Variants in ATRN observed in about 807,000 individuals in gnomAD.
ATRN encodes the protein attractin-2.
A neutral mutation model predicts 178.7 loss-of-function variants in ATRN; 54 were observed. The ratio of observed to expected loss-of-function variants is 0.30; its 90% CI spans 0.24 to 0.38. The LOEUF (loss-of-function observed/expected upper bound fraction) is 0.38, where lower values mean the gene tolerates loss of function less well. ATRN is among the 10% of genes least tolerant of loss of function. The probability of loss-of-function intolerance (pLI) is 1.00; values close to 1 mark genes in which losing one functional copy is unlikely to be tolerated. For synonymous variants in ATRN, 636 were observed against 663.0 expected, an observed-to-expected ratio of 0.96 and a Z score of 0.63; for missense variants, 1,443 against 1,815.1, an observed-to-expected ratio of 0.79 and a Z score of 3.73.
intron 28 of ATRN, among the ~76,000 whole-genome samples, chr20:3,646,423 T>G (rs375778735): frequency 6.6e-6 from 1 of 152,152 alleles, no homozygotes; most frequent in African/African-American, 2.4e-5. Context: ...ACTGCACCTT[T>G]TGTGTAAAAA....
chr20:3,495,324 C>A (rs1301931828), intron 1 of ATRN, among the ~76,000 whole-genome samples: 3 of 152,076 alleles, frequency 2.0e-5, no homozygotes, highest in African/African-American at 4.8e-5. Context: ...GTATTAGAAT[C>A]ATTTGTGGAG....
At chr20:3,501,302 A>T (rs987206382) in intron 1 of ATRN, among the ~76,000 whole-genome samples, 2 of 152,260 alleles carry the variant, frequency 1.3e-5, no homozygotes, top group South Asian at 4.1e-4. Flanking sequence ...TTTTTTCTTT[A>T]TTGAAAATGT....
chr20:3,642,340 CT>C (rs1432262256), intron 27 of ATRN, among the ~76,000 whole-genome samples: 2 of 152,216 alleles, frequency 1.3e-5, no homozygotes, highest in Non-Finnish European at 2.9e-5. Context: ...CCAAACTGAG[CT>C]TTGGATGTTT....
At chr20:3,592,550 A>G (rs1372589274) in intron 19 of ATRN, 2 of 887,044 alleles carry the variant, frequency 2.3e-6, no homozygotes, top group Non-Finnish European at 2.7e-6. Context: ...TTTCCAGCCA[A>G]AAAACATAAT....
At chr20:3,581,054 C>T (rs923150569) in intron 15 of ATRN, among the ~76,000 whole-genome samples, 2 of 152,046 alleles carry the variant, frequency 1.3e-5, no homozygotes, top group African/African-American at 2.4e-5. Context: ...CTAGCCTGGG[C>T]AACACAGGGA....
chr20:3,523,673 C>T (rs2085326373), intron 1 of ATRN, among the ~76,000 whole-genome samples: 3 of 152,136 alleles, frequency 2.0e-5, no homozygotes, highest in African/African-American at 7.2e-5. Flanking sequence ...GAGAGAAAGA[C>T]TGAGTTACCC....
At position 3,547,389 on chromosome 20, in the gene ATRN, A is replaced by C. The variant is rs762754702; in HGVS notation, c.843A>C (p.Ala281=). 4 of 1,614,002 alleles carry C rather than the reference A, an allele frequency of 2.5e-6. No homozygotes were observed. The East Asian group carries it at 8.9e-5, about 36-fold the overall frequency. ...GTTCTGAAAACTGGAAAGGTGAAGCATGTGACATTCCTCACTGTACAGACA... is the reference window on the plus strand; with the variant it reads ...GTTCTGAAAACTGGAAAGGTGAAGCCTGTGACATTCCTCACTGTACAGACA... The part of the protein sequence containing the change: ...CECSENWKGE[A]CDIPHCTDNC... Residue 281 remains alanine, a synonymous_variant, in exon 5 of 29, where the codon GCA becomes GCC. Coordinates refer to ENST00000262919, the MANE Select transcript of ATRN (RefSeq NM_139321.3).
intron 25 of ATRN, among the ~76,000 whole-genome samples, chr20:3,625,864 A>C (rs1351156223): frequency 6.6e-6 from 1 of 152,164 alleles, no homozygotes; most frequent in African/African-American, 2.4e-5. Context: ...GATTTATGAG[A>C]AAAGATGCCT....
chr20:3,601,566 G>T (rs1468670582), intron 23 of ATRN, among the ~76,000 whole-genome samples: 4 of 152,004 alleles, frequency 2.6e-5, no homozygotes, highest in African/African-American at 7.2e-5. Context: ...AAAATCTAAA[G>T]AAATAAAGGA....
rs1051584867 is a variant in ATRN at position 3,638,195 on chromosome 20, C to T, written c.3943-633C>T. ...ATTTGTTACATAGGTATACATGTGCCGTGGTGGTTTGCCGCACCTATCAGC... is the reference window on the plus strand; with the variant it reads ...ATTTGTTACATAGGTATACATGTGCTGTGGTGGTTTGCCGCACCTATCAGC... On this transcript the variant is annotated intron_variant, in intron 26 of 28. Coordinates refer to ENST00000262919, the MANE Select transcript of ATRN (RefSeq NM_139321.3). This position sits in a 1 kb window ranked among gnomAD's most constrained non-coding sequence, Gnocchi z 4.5. Among the ~76,000 whole-genome samples the T allele has an allele frequency of 3.3e-5, 5 of 152,036 alleles. No individual in the cohort carries two copies. The highest frequency in any genetic ancestry group is 7.3e-5 in the African/African-American group (3 of 41,364).
chr20:3,551,667 C>T (rs1366064822), intron 6 of ATRN, among the ~76,000 whole-genome samples: 1 of 152,120 alleles, frequency 6.6e-6, no homozygotes, highest in African/African-American at 2.4e-5. Flanking sequence ...CTCTCCTGTT[C>T]TCCTTCTTAA....
At chr20:3,598,609 G>A (rs1331957476) in intron 22 of ATRN, among the ~76,000 whole-genome samples, 1 of 152,140 alleles carries the variant, frequency 6.6e-6, no homozygotes, top group East Asian at 1.9e-4. Flanking sequence ...TGTCATTAAC[G>A]ATGAAGCCCA....
At chr20:3,478,950 A>G (rs1326661201) in intron 1 of ATRN, among the ~76,000 whole-genome samples, 3 of 146,016 alleles carry the variant, frequency 2.1e-5, no homozygotes, top group Non-Finnish European at 4.5e-5. Flanking sequence ...TTGAGAGACA[A>G]GGTCTTATTC....
chr20:3,616,151 T>C (rs1173934247), intron 24 of ATRN, among the ~76,000 whole-genome samples: 1 of 152,150 alleles, frequency 6.6e-6, no homozygotes, highest in Admixed American at 6.5e-5. Context: ...TATTGTTCCC[T>C]TGGGTTTCAT....
intron 1 of ATRN, among the ~76,000 whole-genome samples, chr20:3,513,074 T>A (rs2085158580): frequency 6.6e-6 from 1 of 152,234 alleles, no homozygotes; most frequent in African/African-American, 2.4e-5. Context: ...TTCACTCTGA[T>A]GGTAGTTTCT....
chr20:3,597,140 A>T (rs2086542868), intron 21 of ATRN, among the ~76,000 whole-genome samples: 1 of 150,048 alleles, frequency 6.7e-6, no homozygotes, highest in Non-Finnish European at 1.5e-5. Context: ...GTTAGATAGG[A>T]TTCTAAAAGC....
chr20:3,482,969 G>GAATTAA (rs1341074758), intron 1 of ATRN, among the ~76,000 whole-genome samples: 1 of 152,048 alleles, frequency 6.6e-6, no homozygotes, highest in Admixed American at 6.6e-5. Context: ...TCATATTAAT[G>GAATTAA]TTATTCTAAA....
chr20:3,522,357 C>T (rs147492834), intron 1 of ATRN, among the ~76,000 whole-genome samples: 13 of 152,306 alleles, frequency 8.5e-5, no homozygotes, highest in African/African-American at 3.1e-4. Flanking sequence ...GCCAGACTAC[C>T]TCTCTAGATT....
intron 2 of ATRN, among the ~76,000 whole-genome samples, chr20:3,539,600 A>G (rs927202476): frequency 3.3e-5 from 5 of 151,950 alleles, no homozygotes; most frequent in African/African-American, 1.2e-4. Context: ...AGTTGTGGAG[A>G]GGGAGAGAGA....
Sources: allele counts gnomAD v4.1 joint callset (sites outside exome capture counted in the v4.1 genomes callset), GRCh38; gene constraint gnomAD v4.1.1; non-coding constraint Gnocchi (gnomAD v3.1); transcripts MANE v1.5; gene names NCBI Gene and HGNC (gene_info 2026-07-23, HGNC 2026-07-21).